The following PLXDC2 variants were observed in gnomAD, a reference collection of about 807,000 sequenced individuals.
PLXDC2 encodes the protein plexin domain containing 2.
Under a neutral mutation model 68.9 loss-of-function variants are expected in PLXDC2, and 40 were observed. The observed-to-expected ratio is 0.58, with a 90% confidence interval of 0.45 to 0.76. PLXDC2 has a LOEUF of 0.76. Among genes scored for constraint, PLXDC2 ranks in the 30% least tolerant of loss-of-function variants. PLXDC2 has a pLI of 0.00. For synonymous variants in PLXDC2, 243 were observed against 234.2 expected (o/e 1.04, Z -0.34); for missense variants, 644 against 661.9 (o/e 0.97, Z 0.30).
chr10:20,134,552 C>T (rs879522287), intron 4 of PLXDC2, among the ~76,000 whole-genome samples: 3 of 151,984 alleles, frequency 2.0e-5, no homozygotes, highest in East Asian at 1.9e-4. Flanking sequence ...CCTGGAGCCT[C>T]GATTAACTGG....
At chr10:20,068,105 C>A (rs1353965419) in intron 3 of PLXDC2, 65 bp from the exon 4 acceptor site, 2 of 1,347,346 alleles carry the variant, frequency 1.5e-6, no homozygotes, top group African/African-American at 1.5e-5. Flanking sequence ...AAGTGAAAGG[C>A]TCTTCATTTC....
At chr10:20,034,157 A>G (rs1835543122) in intron 2 of PLXDC2, among the ~76,000 whole-genome samples, 1 of 152,296 alleles carries the variant, frequency 6.6e-6, no homozygotes, top group East Asian at 1.9e-4. Flanking sequence ...CAATCACCCA[A>G]CATAGCATGT....
chr10:20,244,727 T>C (rs1417767055), intron 12 of PLXDC2, among the ~76,000 whole-genome samples: 1 of 152,130 alleles, frequency 6.6e-6, no homozygotes, highest in Non-Finnish European at 1.5e-5. Flanking sequence ...ATGAGAAAAA[T>C]CAAAGTTAAA....
At chr10:20,181,154 A>G (rs550608633) in intron 9 of PLXDC2, among the ~76,000 whole-genome samples, 1 of 152,206 alleles carries the variant, frequency 6.6e-6, no homozygotes, top group East Asian at 1.9e-4. Flanking sequence ...ATTGGTAACA[A>G]TAGCAGGAGT....
Position 19,922,577 on chromosome 10 carries a change from TG to T in PLXDC2, c.113-79197del, listed in dbSNP as rs1438815595. ...GAGGCTTCATTTGTGACCAGTACTG[TG>T]TGTGTTTTCACTCAGTACAGTTTTG... On this transcript the variant is annotated intron_variant, in intron 1 of 13. Coordinates refer to ENST00000377252, the MANE Select transcript of PLXDC2 (RefSeq NM_032812.9). 2.0e-5 allele frequency among the ~76,000 whole-genome samples: 3 copies of T among 152,102 alleles called. No homozygotes were observed. In the East Asian group the frequency reaches 5.8e-4, roughly 29 times the overall value.
At chr10:19,934,523 A>AT (rs1164122435) in intron 1 of PLXDC2, among the ~76,000 whole-genome samples, 9 of 152,204 alleles carry the variant, frequency 5.9e-5, no homozygotes, top group Admixed American at 1.3e-4. Context: ...CGATCATTAC[A>AT]TTGGTCACCT....
chr10:20,071,145 G>A (rs1446867091), intron 4 of PLXDC2: 2 of 152,148 alleles, frequency 1.3e-5, no homozygotes. Flanking sequence ...ACATTGACCT[G>A]GGTGTCTTCA....
At position 20,249,105 on chromosome 10, in the gene PLXDC2, G is replaced by A. The variant is rs533528205; in HGVS notation, c.1473+3600G>A. ...GGTGATTTCACTGTAATACAAATAGGTATTCTTTTTTAAAGAACATTTTTC... is the reference window on the plus strand; with the variant it reads ...GGTGATTTCACTGTAATACAAATAGATATTCTTTTTTAAAGAACATTTTTC... On this transcript the variant is annotated intron_variant, in intron 13 of 13. Transcript: ENST00000377252. Among the ~76,000 whole-genome samples the A allele has an allele frequency of 1.8e-4, 27 of 152,212 alleles. 1 individual carries two copies. In the South Asian group the frequency reaches 4.2e-3, roughly 23 times the overall value.
At chr10:19,988,603 G>A (rs1461346586) in intron 1 of PLXDC2, among the ~76,000 whole-genome samples, 1 of 151,910 alleles carries the variant, frequency 6.6e-6, no homozygotes, top group East Asian at 1.9e-4. Context: ...CTCCAAAATT[G>A]TATGGTTTAG....
At chr10:20,027,213 G>A (rs936845268) in intron 2 of PLXDC2, among the ~76,000 whole-genome samples, 2 of 151,874 alleles carry the variant, frequency 1.3e-5, no homozygotes, top group Non-Finnish European at 2.9e-5. Context: ...TGGTCTCAAT[G>A]TGTCCCCCAG....
At chr10:20,273,040 A>G (rs1835959215) in intron 13 of PLXDC2, among the ~76,000 whole-genome samples, 1 of 152,216 alleles carries the variant, frequency 6.6e-6, no homozygotes, top group South Asian at 2.1e-4. Flanking sequence ...GGTACTTTAT[A>G]TATCTGTGTT....
chr10:20,064,311 C>T (rs1325891886), intron 3 of PLXDC2, among the ~76,000 whole-genome samples: 1 of 151,458 alleles, frequency 6.6e-6, no homozygotes, highest in Admixed American at 6.6e-5. Flanking sequence ...AGCTCCACCT[C>T]CCGGGTTCAT....
intron 6 of PLXDC2, 110 bp downstream of exon 6, chr10:20,148,012 C>A: frequency 2.6e-6 from 2 of 771,538 alleles, no homozygotes; most frequent in East Asian, 2.6e-5. Flanking sequence ...AAATCATTTT[C>A]TTGCCTCTTG....
At chr10:19,933,302 C>T (rs1353338957) in intron 1 of PLXDC2, among the ~76,000 whole-genome samples, 1 of 152,128 alleles carries the variant, frequency 6.6e-6, no homozygotes, top group African/African-American at 2.4e-5. Context: ...ATTTCAACTA[C>T]AGCTTTTTAT....
rs1277347103 is a variant in PLXDC2 at position 19,837,378 on chromosome 10, GAGTA to G, written c.112+20191_112+20194del. Among the ~76,000 whole-genome samples, 329 of 127,242 alleles carry G rather than the reference GAGTA, an allele frequency of 2.6e-3. 6 individuals carry two copies. The East Asian group carries it at 0.07, about 27-fold the overall frequency. The allele number at this position is 127,242 out of a possible 152,430, so 83.5% of individuals were successfully genotyped here. On this transcript the variant is annotated intron_variant, in intron 1 of 13. Coordinates refer to ENST00000377252, the MANE Select transcript of PLXDC2 (RefSeq NM_032812.9). The stretch of plus-strand genomic sequence containing the variant: ...TGCAACATTGCTCTGTTTTCTCATT[GAGTA>G]AGTGAGAGAGAGAGAGAGAGAGAGA...
intron 1 of PLXDC2, among the ~76,000 whole-genome samples, chr10:19,891,490 G>A (rs919655048): frequency 6.6e-6 from 1 of 152,122 alleles, no homozygotes; most frequent in African/African-American, 2.4e-5. Context: ...TTATCCCAGA[G>A]TCTAACATGG....
At chr10:20,166,845 T>C (rs1834382733) in intron 7 of PLXDC2, among the ~76,000 whole-genome samples, 1 of 152,184 alleles carries the variant, frequency 6.6e-6, no homozygotes, top group African/African-American at 2.4e-5. Context: ...TCCTTTGTTA[T>C]GCTGTAAAAG....
Position 19,928,373 on chromosome 10 carries a change from T to G in PLXDC2, c.113-73402T>G, listed in dbSNP as rs1405934054. Among the ~76,000 whole-genome samples, 3 of 152,320 alleles carry G rather than the reference T, an allele frequency of 2.0e-5. No homozygotes were observed. The East Asian group carries it at 5.8e-4, about 29-fold the overall frequency. On this transcript the variant is annotated intron_variant, in intron 1 of 13. Coordinates refer to ENST00000377252, the MANE Select transcript of PLXDC2 (RefSeq NM_032812.9). The stretch of plus-strand genomic sequence containing the variant: ...GGAGAAAGTTGGGACAAACTAATGA[T>G]GGACACAATATACCATTTTATGAGT...
chr10:20,180,021 C>G (rs1564344043), intron 9 of PLXDC2, among the ~76,000 whole-genome samples: 1 of 152,036 alleles, frequency 6.6e-6, no homozygotes, highest in Non-Finnish European at 1.5e-5. Flanking sequence ...AAATTGTAGA[C>G]ATATTACTGA....
Sources: allele counts gnomAD v4.1 joint callset (sites outside exome capture counted in the v4.1 genomes callset), GRCh38; gene constraint gnomAD v4.1.1; transcripts MANE v1.5; gene names NCBI Gene and HGNC (gene_info 2026-07-23, HGNC 2026-07-21).